TUSC3: variants seen among roughly 807,000 people sequenced by gnomAD.
The protein encoded by TUSC3 is tumor suppressor candidate 3, also known as dolichyl-diphosphooligosaccharide--protein glycosyltransferase subunit TUSC3.
TUSC3 carries 45 observed loss-of-function variants against 44.8 expected under a neutral mutation model. The observed-to-expected ratio is 1.00, with a 90% CI of 0.79 to 1.29. TUSC3 has a LOEUF of 1.29. Among genes scored for constraint, TUSC3 ranks in the 50% most tolerant of loss-of-function variants. The probability of loss-of-function intolerance (pLI) is 0.00; values close to 1 mark genes in which losing one functional copy is unlikely to be tolerated. For synonymous variants in TUSC3, 212 were observed against 152.9 expected, an observed-to-expected ratio of 1.39 and a Z score of -2.85; for missense variants, 519 against 437.9, an observed-to-expected ratio of 1.19 and a Z score of -1.65.
chr8:15,422,473 A>G (rs762128447), intron 1 of TUSC3, among the ~76,000 whole-genome samples: 5 of 152,186 alleles, frequency 3.3e-5, no homozygotes, highest in Non-Finnish European at 7.3e-5. Context: ...GATGCAAAAT[A>G]TTAGTTAGAA....
chr8:15,813,713 T>C, the TUSC3 span, among the ~76,000 whole-genome samples: 4 of 152,222 alleles, frequency 2.6e-5, no homozygotes, highest in Admixed American at 2.6e-4. Context: ...GAGCTCCTTC[T>C]GTCTTTACAC....
Position 15,764,448 on chromosome 8 carries a change from G to C in TUSC3, c.*292G>C. 1 of 468,034 alleles carries C rather than the reference G, an allele frequency of 2.1e-6. No individual in the cohort carries two copies. Among genetic ancestry groups the C allele is most frequent in the Non-Finnish European group, 4.0e-6 (1 of 250,428 alleles). 29.0% of individuals were successfully genotyped at this position (468,034 alleles called of 1,614,324 possible). ...TTTTCAAGCCTGTTATATTCAGTGT[G>C]TGCCACAGGATTGAAATAAATGACA... On this transcript the variant is annotated 3_prime_UTR_variant, in exon 11 of 11. Coordinates refer to ENST00000503731, the MANE Select transcript of TUSC3 (RefSeq NM_006765.4).
intron 5 of TUSC3, among the ~76,000 whole-genome samples, chr8:15,673,352 A>G (rs1368111781): frequency 6.6e-6 from 1 of 152,082 alleles, no homozygotes; most frequent in Non-Finnish European, 1.5e-5. Context: ...TAATAGAAGA[A>G]TGATGTTTAG....
chr8:15,559,762 CTTCT>C lies in TUSC3; in HGVS notation c.138+19197_138+19200del, dbSNP rs1314676064. ...GATCCCTTTACCATTATGTAATGGC[CTTCT>C]TTGTCTCTTTTGATCTTTGTTGGTT... On this transcript the variant is annotated intron_variant, in intron 1 of 10. Transcript: ENST00000503731. Among the ~76,000 whole-genome samples the C allele has an allele frequency of 1.8e-4, 20 of 111,040 alleles. 2 individuals are homozygous for C. The highest frequency in any genetic ancestry group is 3.2e-4 in the Non-Finnish European group (17 of 52,556). 72.8% of individuals were successfully genotyped at this position (111,040 alleles called of 152,430 possible). A position where few individuals can be genotyped will look rare whatever the true frequency, so the allele number is the denominator to read the frequency against.
intron 8 of TUSC3, among the ~76,000 whole-genome samples, chr8:15,747,706 A>G (rs1472955601): frequency 6.6e-6 from 1 of 152,072 alleles, no homozygotes; most frequent in Admixed American, 6.6e-5. Flanking sequence ...AATATTGAAA[A>G]CCTAGACCGC....
chr8:15,703,536 G>T (rs570924229), intron 6 of TUSC3, among the ~76,000 whole-genome samples: 1 of 152,218 alleles, frequency 6.6e-6, no homozygotes, highest in Non-Finnish European at 1.5e-5. Flanking sequence ...GAGACTAGGT[G>T]ATTTATAAAG....
intron 2 of TUSC3, among the ~76,000 whole-genome samples, chr8:15,534,520 G>A (rs1274112606): frequency 1.3e-5 from 2 of 151,834 alleles, no homozygotes; most frequent in East Asian, 3.9e-4. Context: ...GTGGGCTCCT[G>A]TAGTCCCAGC....
intron 2 of TUSC3, among the ~76,000 whole-genome samples, chr8:15,650,138 G>T (rs1806824793): frequency 6.6e-6 from 1 of 152,190 alleles, no homozygotes; most frequent in Non-Finnish European, 1.5e-5. Flanking sequence ...AGAAATCTTT[G>T]CTTACTGTTG....
At chr8:15,827,364 G>A in the TUSC3 span, among the ~76,000 whole-genome samples, 1 of 152,082 alleles carries the variant, frequency 6.6e-6, no homozygotes, top group Admixed American at 6.6e-5. Flanking sequence ...TGTCATATAT[G>A]ATATTCATGA....
chr8:15,723,227 A>C (rs1167114523), intron 6 of TUSC3, among the ~76,000 whole-genome samples: 1 of 152,118 alleles, frequency 6.6e-6, no homozygotes, highest in African/African-American at 2.4e-5. Flanking sequence ...ACTCCACAAC[A>C]GATCGTGCAG....
At chr8:15,747,620 A>C (rs1811476633) in intron 8 of TUSC3, among the ~76,000 whole-genome samples, 1 of 152,060 alleles carries the variant, frequency 6.6e-6, no homozygotes, top group Non-Finnish European at 1.5e-5. Context: ...TTTAGAGTAA[A>C]ATCTTCTCAA....
chr8:15,548,326 C>T (rs1801944000), intron 1 of TUSC3, among the ~76,000 whole-genome samples: 1 of 151,818 alleles, frequency 6.6e-6, no homozygotes, highest in African/African-American at 2.4e-5. Context: ...GCAATAATTT[C>T]TATCAGTTAA....
intron 9 of TUSC3, among the ~76,000 whole-genome samples, chr8:15,753,513 A>C (rs1304515536): frequency 1.3e-5 from 2 of 152,094 alleles, no homozygotes; most frequent in African/African-American, 4.8e-5. Context: ...TGGGAGCATT[A>C]TGAACAAAAA....
At chr8:15,763,423 G>C (rs1812232563) in intron 10 of TUSC3, among the ~76,000 whole-genome samples, 1 of 150,546 alleles carries the variant, frequency 6.6e-6, no homozygotes, top group Non-Finnish European at 1.5e-5. Flanking sequence ...CTTTTTTTAA[G>C]TACAAGAACT....
At position 15,462,987 on chromosome 8, in the gene TUSC3, T is replaced by G. The variant is rs185385803; in HGVS notation, n.92-20399T>G. Reference sequence around the variant, plus strand: ...GAATGTATTTGGGCAATGGCTTCAATTCTTTATTTTGTTCTCTTCTCTTTA... The same window carrying G: ...GAATGTATTTGGGCAATGGCTTCAAGTCTTTATTTTGTTCTCTTCTCTTTA... On this transcript the variant is annotated intron_variant and non_coding_transcript_variant, in intron 1 of 5. Transcript: ENST00000503191. 3.5e-3 allele frequency among the ~76,000 whole-genome samples: 530 copies of G among 152,098 alleles called. 2 individuals carry two copies. The highest frequency in any genetic ancestry group is 0.012 in the African/African-American group (515 of 41,528).
At chr8:15,818,758 G>A in the TUSC3 span, among the ~76,000 whole-genome samples, 17 of 152,302 alleles carry the variant, frequency 1.1e-4, no homozygotes, top group East Asian at 1.3e-3. Context: ...AAATACTCAT[G>A]TACTTGCTTC....
At chr8:15,619,876 G>C (rs1805166487) in intron 1 of TUSC3, among the ~76,000 whole-genome samples, 1 of 152,046 alleles carries the variant, frequency 6.6e-6, no homozygotes, top group Non-Finnish European at 1.5e-5. Context: ...AAGGATAATG[G>C]ACATGAGTTT....
At chr8:15,471,596 A>G (rs1031513957) in intron 1 of TUSC3, among the ~76,000 whole-genome samples, 1 of 151,814 alleles carries the variant, frequency 6.6e-6, no homozygotes, top group Non-Finnish European at 1.5e-5. Flanking sequence ...TTTACTTATA[A>G]CGGAAATTTC....
intron 2 of TUSC3, among the ~76,000 whole-genome samples, chr8:15,643,199 G>T (rs1806462992): frequency 6.6e-6 from 1 of 152,136 alleles, no homozygotes; most frequent in Non-Finnish European, 1.5e-5. Flanking sequence ...GTTTACTGAG[G>T]CCTCCCCAGC....
Sources: gnomAD v4.1 joint callset for allele counts (sites outside exome capture counted in the v4.1 genomes callset) on GRCh38, gnomAD v4.1.1 for gene constraint, MANE v1.5 for transcripts, NCBI Gene and HGNC (gene_info 2026-07-23, HGNC 2026-07-21) for gene names.